Variants in GPM6B observed in about 807,000 individuals in gnomAD.
GPM6B encodes the protein neuronal membrane glycoprotein M6-b.
In GPM6B, 4 loss-of-function variants were observed where a neutral mutation model predicts 27.2. The observed-to-expected ratio is 0.15, with a 90% confidence interval of 0.07 to 0.34. GPM6B has a LOEUF of 0.34. GPM6B is among the 10% of genes least tolerant of loss of function. The pLI is 1.00. For synonymous variants in GPM6B, 124 were observed against 103.1 expected (o/e 1.20, Z -1.23); for missense variants, 183 against 261.9 (o/e 0.70, Z 2.08).
intron 1 of GPM6B, among the ~76,000 whole-genome samples, chrX:13,901,290 T>G (rs1367859979): frequency 2.7e-5 from 3 of 111,200 alleles, no homozygotes; most frequent in African/African-American, 9.8e-5. Context: ...ACTAAGCTAG[T>G]TACAGACACA....
At chrX:13,931,407 G>C (rs746009243) in intron 1 of GPM6B, among the ~76,000 whole-genome samples, 2 of 108,539 alleles carry the variant, frequency 1.8e-5, no homozygotes, top group South Asian at 8.1e-4. Flanking sequence ...AGAATGGCGT[G>C]AACCCAGGAG....
At chrX:13,896,686 G>A (rs2050235904) in intron 1 of GPM6B, among the ~76,000 whole-genome samples, 2 of 110,293 alleles carry the variant, frequency 1.8e-5, no homozygotes, top group South Asian at 7.8e-4. Context: ...TCCTGCCTCA[G>A]CCTCCCAAGT....
chrX:13,806,980 C>A (rs1298786833), intron 2 of GPM6B, among the ~76,000 whole-genome samples: 1 of 111,660 alleles, frequency 9.0e-6, no homozygotes, highest in East Asian at 2.8e-4. Context: ...ACTGCTTCAC[C>A]TTTTGCCCCT....
At chrX:13,842,729 A>G (rs1460920576) in intron 1 of GPM6B, among the ~76,000 whole-genome samples, 1 of 110,488 alleles carries the variant, frequency 9.1e-6, no homozygotes, top group Non-Finnish European at 1.9e-5. Flanking sequence ...AAAATTTTTT[A>G]AAAGAAAAAA....
intron 1 of GPM6B, among the ~76,000 whole-genome samples, chrX:13,884,482 A>C (rs1038187212): frequency 8.9e-6 from 1 of 112,374 alleles, no homozygotes; most frequent in African/African-American, 3.2e-5. Flanking sequence ...AAGATTACAT[A>C]ATCTGATGTT....
At chrX:13,844,427 A>C (rs944664247) in intron 1 of GPM6B, among the ~76,000 whole-genome samples, 11 of 112,256 alleles carry the variant, frequency 9.8e-5, no homozygotes, top group African/African-American at 3.6e-4. Context: ...TAGATGGCAA[A>C]AACTTTTAGT....
At chrX:13,810,744 TA>T (rs747466374) in intron 1 of GPM6B, among the ~76,000 whole-genome samples, 3,721 of 80,604 alleles carry the variant, frequency 0.046, 162 homozygotes, top group African/African-American at 0.13. Flanking sequence ...ATTCAGGATT[TA>T]AAAAAAAAAA....
chrX:13,846,666 A>AT (rs903945630), intron 1 of GPM6B, among the ~76,000 whole-genome samples: 11 of 106,247 alleles, frequency 1.0e-4, no homozygotes, highest in East Asian at 3.0e-4. Context: ...AAATTTTTGT[A>AT]TTTTTTTTAG....
chrX:13,862,418 T>C (rs1270307229), intron 1 of GPM6B, among the ~76,000 whole-genome samples: 1 of 111,763 alleles, frequency 8.9e-6, no homozygotes, highest in Non-Finnish European at 1.9e-5. Flanking sequence ...GGAATGTTCA[T>C]TCTGATGACA....
chrX:13,867,030 CCT>C (rs2049927666), intron 1 of GPM6B, among the ~76,000 whole-genome samples: 1 of 112,076 alleles, frequency 8.9e-6, no homozygotes, highest in Admixed American at 9.5e-5. Flanking sequence ...GCAAGATCAG[CCT>C]CTCTTGCTTT....
chrX:13,908,777 A>T, intron 1 of GPM6B, among the ~76,000 whole-genome samples: 1 of 112,427 alleles, frequency 8.9e-6, no homozygotes, highest in Non-Finnish European at 1.9e-5. Context: ...TTTTAAATGG[A>T]TCAAATTTGG....
intron 1 of GPM6B, among the ~76,000 whole-genome samples, chrX:13,822,801 G>C (rs778504031): frequency 3.6e-5 from 4 of 111,726 alleles, no homozygotes; most frequent in South Asian, 7.4e-4. Context: ...TTCTTAAATA[G>C]TAGACAGAAA....
chrX:13,915,258 C>T (rs1378855920), intron 1 of GPM6B, among the ~76,000 whole-genome samples: 1 of 89,772 alleles, frequency 1.1e-5, no homozygotes, highest in Non-Finnish European at 2.2e-5. Context: ...CAGAGCCATA[C>T]CCCGTCTCTA....
Position 13,772,684 on chromosome X carries a change from C to T in GPM6B, c.*197G>A, listed in dbSNP as rs920205275. ...CCTTTTAAAATGGCTAACATGAAAC[C>T]TCCAATATTTGTTCTAAAGAAAAAG... On this transcript the variant is annotated 3_prime_UTR_variant, in exon 8 of 8. Coordinates refer to ENST00000316715, the MANE Select transcript of GPM6B (RefSeq NM_001001995.3). 24 of 356,985 alleles carry T rather than the reference C, an allele frequency of 6.7e-5. No homozygotes were observed. The highest frequency in any genetic ancestry group is 7.5e-4 in the Middle Eastern group (1 of 1,333). 29.4% of individuals were successfully genotyped at this position (356,985 alleles called of 1,213,427 possible). A position where few individuals can be genotyped will look rare whatever the true frequency, so the allele number is the denominator to read the frequency against.
In GPM6B at chrX:13,840,374, G is replaced by A. The variant is rs184083681; in HGVS notation, c.-197-54566C>T. On this transcript the variant is annotated intron_variant, in intron 1 of 6. Coordinates refer to the GPM6B transcript ENST00000398361. ...CAGCTCACCTCAGTGTGCTATGCTA[G>A]CAATTTTAGCACGACCTCCCTGCCT... 4.2e-3 allele frequency among the ~76,000 whole-genome samples: 464 copies of A among 111,356 alleles called. 3 individuals are homozygous for A. Among genetic ancestry groups the A allele is most frequent in the Non-Finnish European group, 7.0e-3 (369 of 53,083 alleles).
At chrX:13,921,600 G>A (rs1920976910) in intron 1 of GPM6B, among the ~76,000 whole-genome samples, 1 of 88,912 alleles carries the variant, frequency 1.1e-5, no homozygotes, top group South Asian at 6.1e-4. Flanking sequence ...TTTTTAGACA[G>A]AGTCTTACTC....
Position 13,831,313 on chromosome X carries a change from G to A in GPM6B, c.-197-45505C>T, listed in dbSNP as rs746664578. ...TAGGGTCTCAAAAATCTATTGAGAT[G>A]GTTGGCTCTGATGGTTGGGATGGGA... On this transcript the variant is annotated intron_variant, in intron 1 of 6. Transcript: ENST00000398361. Among the ~76,000 whole-genome samples the A allele has an allele frequency of 2.7e-5, 3 of 109,585 alleles. No individual in the cohort carries two copies. In the South Asian group the frequency reaches 1.2e-3, roughly 45 times the overall value.
chrX:13,871,079 A>AAAAAC (rs1555924628), intron 1 of GPM6B, among the ~76,000 whole-genome samples: 888 of 85,422 alleles, frequency 0.01, 17 homozygotes, highest in African/African-American at 0.029. Flanking sequence ...AAACAAAAAC[A>AAAAAC]AAAACAAAAC....
At chrX:13,900,377 C>T (rs1041263118) in intron 1 of GPM6B, among the ~76,000 whole-genome samples, 1 of 111,223 alleles carries the variant, frequency 9.0e-6, no homozygotes, top group African/African-American at 3.3e-5. Context: ...GGGTGGGTGT[C>T]GGAAGGGCTG....
Sources: gnomAD v4.1 joint callset for allele counts (sites outside exome capture counted in the v4.1 genomes callset) on GRCh38, gnomAD v4.1.1 for gene constraint, MANE v1.5 for transcripts, NCBI Gene and HGNC (gene_info 2026-07-23, HGNC 2026-07-21) for gene names.